The following HPSE2 variants were observed in gnomAD, a reference collection of about 807,000 sequenced individuals.
HPSE2 encodes heparanase 2 (inactive).
HPSE2 carries 38 observed loss-of-function variants against 60.5 expected under a neutral mutation model. The ratio of observed to expected loss-of-function variants is 0.63; its 90% CI spans 0.48 to 0.82. The LOEUF (loss-of-function observed/expected upper bound fraction) is 0.82. Among genes scored for constraint, HPSE2 ranks in the 40% least tolerant of loss-of-function variants. The pLI is 0.00. For synonymous variants in HPSE2, 295 were observed against 293.2 expected, an observed-to-expected ratio of 1.01 and a Z score of -0.06; for missense variants, 713 against 740.4, an observed-to-expected ratio of 0.96 and a Z score of 0.43.
chr10:98,820,142 T>C (rs552596129), intron 3 of HPSE2, among the ~76,000 whole-genome samples: 7 of 152,194 alleles, frequency 4.6e-5, no homozygotes, highest in Non-Finnish European at 7.4e-5. Context: ...CTTGAGGGTA[T>C]ACCAAAAGCC....
chr10:98,915,915 T>C (rs1954108758), intron 3 of HPSE2, among the ~76,000 whole-genome samples: 1 of 151,960 alleles, frequency 6.6e-6, no homozygotes, highest in African/African-American at 2.4e-5. Context: ...GAGAGGGTAG[T>C]GTACAAAGAA....
chr10:99,200,870 G>A (rs919378691), intron 2 of HPSE2, among the ~76,000 whole-genome samples: 4 of 152,112 alleles, frequency 2.6e-5, no homozygotes, highest in Non-Finnish European at 5.9e-5. Flanking sequence ...AGCTGTATAA[G>A]AAGGTATCTC....
intron 3 of HPSE2, among the ~76,000 whole-genome samples, chr10:99,097,990 C>G (rs1269115650): frequency 6.6e-6 from 1 of 152,168 alleles, no homozygotes; most frequent in Non-Finnish European, 1.5e-5. Context: ...TTTGAAGGTT[C>G]TATACTTCCC....
chr10:98,759,404 T>C (rs932380733), intron 3 of HPSE2, among the ~76,000 whole-genome samples: 5 of 152,158 alleles, frequency 3.3e-5, no homozygotes, highest in African/African-American at 1.2e-4. Flanking sequence ...TGATATCTTC[T>C]AGCAATTTTA....
At chr10:98,570,921 T>C (rs1944476812) in intron 9 of HPSE2, among the ~76,000 whole-genome samples, 2 of 152,204 alleles carry the variant, frequency 1.3e-5, no homozygotes, top group East Asian at 3.8e-4. Flanking sequence ...TTAAAGTTCG[T>C]AGTGCTGCAC....
intron 3 of HPSE2, among the ~76,000 whole-genome samples, chr10:98,955,288 G>A (rs139974145): frequency 7.3e-4 from 111 of 152,242 alleles, no homozygotes; most frequent in Non-Finnish European, 1.2e-3. Context: ...ACATTAAAAA[G>A]TGAGCAAAGG....
At chr10:98,874,718 G>T (rs1003821086) in intron 3 of HPSE2, among the ~76,000 whole-genome samples, 1 of 151,974 alleles carries the variant, frequency 6.6e-6, no homozygotes. Flanking sequence ...TCCAACTTTT[G>T]CCCATTCAGT....
At chr10:98,976,211 G>A (rs879026321) in intron 3 of HPSE2, among the ~76,000 whole-genome samples, 1 of 152,092 alleles carries the variant, frequency 6.6e-6, no homozygotes, top group Admixed American at 6.5e-5. Context: ...CAAGGAAAGA[G>A]ACTATACATA....
intron 11 of HPSE2, among the ~76,000 whole-genome samples, chr10:98,467,524 C>A (rs1940589093): frequency 6.6e-6 from 1 of 151,932 alleles, no homozygotes. Flanking sequence ...GGAGGAGGGG[C>A]AGGGGAGAGA....
chr10:98,815,274 A>C (rs1464824786), intron 3 of HPSE2, among the ~76,000 whole-genome samples: 1 of 152,140 alleles, frequency 6.6e-6, no homozygotes, highest in African/African-American at 2.4e-5. Context: ...AGAGCAAGAC[A>C]CTACCTCGAA....
At chr10:99,087,192 C>T (rs1843350285) in intron 3 of HPSE2, among the ~76,000 whole-genome samples, 1 of 152,192 alleles carries the variant, frequency 6.6e-6, no homozygotes, top group South Asian at 2.1e-4. Context: ...AGCATATTTG[C>T]AGATCATAAT....
At chr10:98,969,697 T>C (rs1291205419) in intron 3 of HPSE2, among the ~76,000 whole-genome samples, 1 of 152,212 alleles carries the variant, frequency 6.6e-6, no homozygotes, top group Non-Finnish European at 1.5e-5. Flanking sequence ...ACCAATGTCC[T>C]GAGGGTTTGT....
chr10:99,202,791 A>C (rs1848619702), intron 2 of HPSE2, among the ~76,000 whole-genome samples: 1 of 152,174 alleles, frequency 6.6e-6, no homozygotes, highest in South Asian at 2.1e-4. Context: ...CCTTCACAAT[A>C]GCTAAGAAAA....
At chr10:99,244,342 T>C in the HPSE2 span, among the ~76,000 whole-genome samples, 2 of 151,064 alleles carry the variant, frequency 1.3e-5, no homozygotes, top group Non-Finnish European at 2.9e-5. Flanking sequence ...TTTTGTTCTC[T>C]AGGCTAATGG....
chr10:98,888,875 A>G (rs987672225), intron 3 of HPSE2, among the ~76,000 whole-genome samples: 2 of 152,168 alleles, frequency 1.3e-5, no homozygotes, highest in African/African-American at 2.4e-5. Context: ...GAAAACTAGT[A>G]ATTTAGTCCT....
At chr10:98,510,979 G>C (rs972798010) in intron 9 of HPSE2, among the ~76,000 whole-genome samples, 1 of 152,138 alleles carries the variant, frequency 6.6e-6, no homozygotes, top group Admixed American at 6.5e-5. Flanking sequence ...AATTTGCTTA[G>C]AATTGAAACA....
chr10:98,680,069 T>C (rs1005401587), intron 6 of HPSE2, among the ~76,000 whole-genome samples: 1 of 152,202 alleles, frequency 6.6e-6, no homozygotes, highest in Non-Finnish European at 1.5e-5. Flanking sequence ...TTGTGCTGCA[T>C]TGACTGGAAA....
intron 3 of HPSE2, among the ~76,000 whole-genome samples, chr10:99,114,901 CA>C (rs1223188167): frequency 3.2e-3 from 172 of 54,504 alleles, no homozygotes; most frequent in Middle Eastern, 0.012. Context: ...GACTCCGTCT[CA>C]AAAAAAAAAA....
At chr10:98,827,400 G>T (rs1350581921) in intron 3 of HPSE2, among the ~76,000 whole-genome samples, 1 of 151,940 alleles carries the variant, frequency 6.6e-6, no homozygotes, top group Middle Eastern at 3.2e-3. Context: ...TAGAGACAGG[G>T]TTTCACCATG....
Sources: allele counts gnomAD v4.1 joint callset (sites outside exome capture counted in the v4.1 genomes callset), GRCh38; gene constraint gnomAD v4.1.1; transcripts MANE v1.5; gene names NCBI Gene and HGNC (gene_info 2026-07-23, HGNC 2026-07-21).